DAB1: variants seen among roughly 807,000 people sequenced by gnomAD.
DAB1 encodes DAB adaptor protein 1, also known as disabled homolog 1.
A neutral mutation model predicts 64.6 loss-of-function variants in DAB1; 15 were observed. That is an observed-to-expected ratio of 0.23 (90% CI 0.16 to 0.36). The LOEUF is 0.36. DAB1 is among the 10% of genes least tolerant of loss of function. The pLI, the probability that DAB1 is intolerant of heterozygous loss-of-function variation, is 1.00. For missense variants in DAB1, 596 were observed against 706.7 expected (o/e 0.84, Z 1.78); for synonymous variants, 235 against 251.9 (o/e 0.93, Z 0.64).
At chr1:58,159,613 G>A (rs559297922) in intron 4 of DAB1, among the ~76,000 whole-genome samples, 1 of 152,202 alleles carries the variant, frequency 6.6e-6, no homozygotes, top group African/African-American at 2.4e-5. Context: ...TGGATCATCA[G>A]TCTTCTCATT....
At chr1:57,862,338 A>G (rs1282515896) in intron 1 of DAB1, 1 of 152,212 alleles carries the variant, frequency 6.6e-6, no homozygotes, top group East Asian at 1.9e-4. Flanking sequence ...TAAATTGAGG[A>G]AACAGTCACC....
At chr1:57,448,112 C>A (rs1686216979) in intron 7 of DAB1, among the ~76,000 whole-genome samples, 1 of 152,172 alleles carries the variant, frequency 6.6e-6, no homozygotes, top group Non-Finnish European at 1.5e-5. Flanking sequence ...TAGGCAGCCT[C>A]CTTGAGTCAC....
chr1:58,240,809 C>T (rs551052894), intron 4 of DAB1, among the ~76,000 whole-genome samples: 5 of 152,252 alleles, frequency 3.3e-5, no homozygotes, highest in African/African-American at 7.2e-5. Context: ...TAAGCATGGT[C>T]CCTGGTATAT....
chr1:57,465,729 A>G (rs1259156476), intron 7 of DAB1, among the ~76,000 whole-genome samples: 1 of 152,210 alleles, frequency 6.6e-6, no homozygotes, highest in Non-Finnish European at 1.5e-5. Context: ...GCACACCAGG[A>G]GGAGCTTAAT....
chr1:57,028,128 G>T (rs1337401134), intron 9 of DAB1, among the ~76,000 whole-genome samples: 1 of 152,168 alleles, frequency 6.6e-6, no homozygotes, highest in Non-Finnish European at 1.5e-5. Context: ...AACTTGCATT[G>T]TATCTCCCAG....
intron 4 of DAB1, among the ~76,000 whole-genome samples, chr1:57,093,652 T>G (rs375793489): frequency 6.6e-6 from 1 of 152,294 alleles, no homozygotes; most frequent in South Asian, 2.1e-4. Flanking sequence ...TGAATTCCAG[T>G]CTGCAAATAA....
rs536023063 is a variant in DAB1, at chr1:57,397,583, A to T, written c.-137+26347T>A. 1.5e-4 allele frequency among the ~76,000 whole-genome samples: 23 copies of T among 152,328 alleles called. No individual in the cohort carries two copies. In the South Asian group the frequency reaches 4.8e-3, roughly 32 times the overall value. On this transcript the variant is annotated intron_variant, in intron 1 of 14. Coordinates refer to ENST00000371236, the MANE Select transcript of DAB1 (RefSeq NM_001365792.1). ...CAGAAAAGAGAGTGCACGTCCACAC[A>T]GTCACTGCCATGTATGGGAGGCAGA...
chr1:57,966,620 T>C (rs1470902295), intron 5 of DAB1, among the ~76,000 whole-genome samples: 3 of 152,274 alleles, frequency 2.0e-5, no homozygotes, highest in Middle Eastern at 3.4e-3. Flanking sequence ...ATTTTAGTTA[T>C]GTTTTGGGGT....
intron 4 of DAB1, among the ~76,000 whole-genome samples, chr1:58,249,953 A>G (rs1660728759): frequency 6.6e-6 from 1 of 152,136 alleles, no homozygotes; most frequent in South Asian, 2.1e-4. Context: ...CGCGCCGCCA[A>G]GTGCCGCAGG....
intron 6 of DAB1, among the ~76,000 whole-genome samples, chr1:57,818,912 C>T (rs1003522507): frequency 9.2e-5 from 14 of 152,096 alleles, no homozygotes; most frequent in African/African-American, 3.1e-4. Flanking sequence ...CAACTAGCCT[C>T]TTCAATTATA....
chr1:58,405,375 T>C (rs1227770243), intron 3 of DAB1, among the ~76,000 whole-genome samples: 9 of 152,024 alleles, frequency 5.9e-5, no homozygotes, highest in Admixed American at 3.3e-4. Context: ...TCTATTCTGT[T>C]TGTTTAATTT....
intron 7 of DAB1, among the ~76,000 whole-genome samples, chr1:57,528,637 G>GGC (rs1553190964): frequency 9.0e-5 from 2 of 22,132 alleles, no homozygotes; most frequent in African/African-American, 1.1e-4. Context: ...AAAGCAGCAG[G>GGC]ACACACACAC....
chr1:57,426,875 T>TATATATATATATATATATATATATA (rs1553180831), upstream of DAB1, among the ~76,000 whole-genome samples: 19 of 130,006 alleles, frequency 1.5e-4, no homozygotes, highest in South Asian at 2.4e-4. Context: ...TATATATATA[T>TATATATATATATATATATATATATA]TTTTTTGAGA....
intron 6 of DAB1, among the ~76,000 whole-genome samples, chr1:57,666,554 G>A (rs1390904011): frequency 2.0e-5 from 3 of 152,146 alleles, no homozygotes; most frequent in African/African-American, 7.2e-5. Context: ...ATCTCTTCAT[G>A]TCAGAAAATT....
chr1:57,266,334 T>C (rs1157907574), intron 2 of DAB1, among the ~76,000 whole-genome samples: 2 of 152,232 alleles, frequency 1.3e-5, no homozygotes, highest in Non-Finnish European at 2.9e-5. Context: ...TGCTCCCCTA[T>C]ATGAACCCTG....
intron 4 of DAB1, among the ~76,000 whole-genome samples, chr1:58,283,209 C>T (rs1233052729): frequency 3.3e-5 from 5 of 151,416 alleles, no homozygotes; most frequent in East Asian, 3.9e-4. Context: ...TCTGTCAGTG[C>T]GCATATGGGT....
At position 57,066,047 on chromosome 1, in the gene DAB1, C is replaced by T. The variant is rs538003372; in HGVS notation, c.664-3104G>A. Among the ~76,000 whole-genome samples the T allele has an allele frequency of 3.9e-5, 6 of 152,266 alleles. No homozygotes were observed. The East Asian group carries it at 1.2e-3, about 29-fold the overall frequency. On this transcript the variant is annotated intron_variant, in intron 8 of 14. Transcript: ENST00000371236. ...GACACTTTTACTTTTATTTTGGCAG[C>T]ATGTTAATTAATAGTGTGGAGAGGC...
At chr1:57,230,849 C>T (rs1010096066) in intron 2 of DAB1, among the ~76,000 whole-genome samples, 2 of 152,078 alleles carry the variant, frequency 1.3e-5, no homozygotes, top group African/African-American at 4.8e-5. Flanking sequence ...CTGGTAACTT[C>T]GTGAAGTCAC....
chr1:57,652,597 C>T (rs1180667998), intron 6 of DAB1, among the ~76,000 whole-genome samples: 1 of 152,102 alleles, frequency 6.6e-6, no homozygotes. Context: ...CTTTATAATC[C>T]TTCTGATTTC....
Sources: gnomAD v4.1 joint callset for allele counts (sites outside exome capture counted in the v4.1 genomes callset) on GRCh38, gnomAD v4.1.1 for gene constraint, MANE v1.5 for transcripts, NCBI Gene and HGNC (gene_info 2026-07-23, HGNC 2026-07-21) for gene names.